The following LFNG variants were observed in gnomAD, a reference collection of about 807,000 sequenced individuals.
LFNG encodes beta-1,3-N-acetylglucosaminyltransferase lunatic fringe.
LFNG carries 15 observed loss-of-function variants against 32.7 expected under a neutral mutation model. That is an observed-to-expected ratio of 0.46 (90% CI 0.31 to 0.71). LFNG has a LOEUF of 0.71. Among genes scored for constraint, LFNG ranks in the 30% least tolerant of loss-of-function variants. The pLI is 0.06. For missense variants in LFNG, 520 were observed against 545.7 expected (o/e 0.95, Z 0.47); for synonymous variants, 274 against 246.8 (o/e 1.11, Z -1.03).
At chr7:2,519,752 C>G, upstream of LFNG, 2 of 592,874 alleles carry the variant, frequency 3.4e-6, no homozygotes, top group Non-Finnish European at 4.3e-6. Context: ...GGTTTAAGAG[C>G]GCGGGACACT....
chr7:2,520,306 C>G lies in LFNG; in HGVS notation c.432+13C>G. ...CCACAAGGAGATGGTGAGCCCCCCG[C>G]GGCCTGGACTGGCGGGCGAGCGGGG... On this transcript the variant is annotated intron_variant, in intron 1 of 7. Transcript: ENST00000222725. This position sits in a 1 kb window ranked among gnomAD's most constrained non-coding sequence, Gnocchi z 5.0. 1 of 1,605,968 alleles carries G rather than the reference C, an allele frequency of 6.2e-7. No homozygotes were observed. Among genetic ancestry groups the G allele is most frequent in the Non-Finnish European group, 8.5e-7 (1 of 1,176,218 alleles).
chr7:2,517,493 C>G (rs1779656484), upstream of LFNG, among the ~76,000 whole-genome samples: 1 of 152,202 alleles, frequency 6.6e-6, no homozygotes, highest in African/African-American at 2.4e-5. Context: ...CCCTTGCTTT[C>G]TCTACAATGG....
Position 2,526,335 on chromosome 7 carries a change from C to G in LFNG, c.913C>G (p.Leu305Val). Residue 305 changes from leucine to valine, a missense_variant, in exon 6 of 8, where the codon CTC becomes GTC. Around this residue, in one of 3 missense-constraint regions of LFNG, gnomAD observed 150 missense variants for 159.9 expected, o/e 0.94. Coordinates refer to ENST00000222725, the MANE Select transcript of LFNG (RefSeq NM_001040167.2). The surrounding 1 kb of genome is among the most constrained non-coding windows in gnomAD (Gnocchi z 6.9). ...CGTGGAGGCCCTGCTGGGTGTGCCC[C>G]TCATCCGCAGCGGCCTCTTCCACTC... ...YIVEALLGVP[L>V]IRSGLFHSHL... The G allele has an allele frequency of 6.2e-7, 1 of 1,612,626 alleles. No homozygotes were observed. Among genetic ancestry groups the G allele is most frequent in the Non-Finnish European group, 8.5e-7 (1 of 1,179,968 alleles).
At chr7:2,525,130 C>T (rs983946302) in intron 2 of LFNG, 89 bp from the exon 3 acceptor site, 16 of 1,172,430 alleles carry the variant, frequency 1.4e-5, no homozygotes, top group East Asian at 1.3e-4. Flanking sequence ...GGGCTTTTCT[C>T]GAGCCCCTGG....
Position 2,520,288 on chromosome 7 carries a change from G to T in LFNG, c.427G>T (p.Glu143Ter). 6.2e-7 allele frequency: 1 copy of T among 1,608,740 alleles called. No individual in the cohort carries two copies. ...GGAGACCTGGATCTCGCGCCACAAG[G>T]AGATGGTGAGCCCCCCGCGGCCTGG... Reference protein sequence around the residue: ...LLETWISRHKEMTFIFTDGED... With the variant: ...LLETWISRHK Residue 143 changes from glutamate (E) to a stop codon, truncating the protein, a stop_gained, in exon 1 of 8, where the codon GAG (glutamate) becomes TAG (stop). Transcript: ENST00000222725. LOFTEE classifies it high-confidence loss of function. The surrounding 1 kb of genome is among the most constrained non-coding windows in gnomAD (Gnocchi z 5.0).
At chr7:2,518,685 C>T (rs563200364), upstream of LFNG, 1 of 1,511,970 alleles carries the variant, frequency 6.6e-7, no homozygotes, top group Admixed American at 2.0e-5. Context: ...AGTTTAGCCA[C>T]GGTGGTGGCG....
At chr7:2,524,186 G>A (rs1779872751) in intron 1 of LFNG, among the ~76,000 whole-genome samples, 1 of 152,324 alleles carries the variant, frequency 6.6e-6, no homozygotes, top group African/African-American at 2.4e-5. Flanking sequence ...GCCCAGCGAA[G>A]GCCTTTGTCC....
rs144458203 is a variant in LFNG, at chr7:2,523,200, G to A, written c.433-1495G>A. On this transcript the variant is annotated intron_variant, in intron 1 of 7. Coordinates refer to ENST00000222725, the MANE Select transcript of LFNG (RefSeq NM_001040167.2). ...GAGCGTCTGCAGGGGCTGGCCCTCC[G>A]CCTCCCACGGCATTCCTGGGCTGAG... 3.4e-3 allele frequency among the ~76,000 whole-genome samples: 516 copies of A among 152,292 alleles called. 1 individual carries two copies. Among genetic ancestry groups the A allele is most frequent in the Non-Finnish European group, 5.7e-3 (391 of 68,010 alleles).
chr7:2,516,753 G>A (rs1166797402), upstream of LFNG, among the ~76,000 whole-genome samples: 1 of 152,228 alleles, frequency 6.6e-6, no homozygotes, highest in Non-Finnish European at 1.5e-5. Context: ...CCTGCAGAGG[G>A]GAAGACTAGG....
upstream of LFNG, among the ~76,000 whole-genome samples, chr7:2,517,040 C>T (rs1365217400): frequency 6.6e-6 from 1 of 150,578 alleles, no homozygotes; most frequent in Non-Finnish European, 1.5e-5. Context: ...CCCCAGCTCC[C>T]CTTTGTCCTG....
At chr7:2,512,570 G>C (rs997446561) in exon 1 of LFNG, 1 of 1,184,204 alleles carries the variant, frequency 8.4e-7, no homozygotes, top group Non-Finnish European at 1.3e-6. Flanking sequence ...AAGGAAGGGA[G>C]GAGGGAGGAC....
upstream of LFNG, chr7:2,513,107 G>A (rs768429589): frequency 3.1e-5 from 49 of 1,598,444 alleles, no homozygotes; most frequent in East Asian, 1.8e-4. Context: ...CTTTGGGCTG[G>A]ACCCATTTTT....
chr7:2,527,091 G>C lies in LFNG; in HGVS notation c.1074-55G>C. 1 of 1,562,916 alleles carries C rather than the reference G, an allele frequency of 6.4e-7. No homozygotes were observed. The highest frequency in any genetic ancestry group is 8.8e-7 in the Non-Finnish European group (1 of 1,136,954). On this transcript the variant is annotated intron_variant, in intron 7 of 7. Transcript: ENST00000222725. The surrounding 1 kb of genome is among the most constrained non-coding windows in gnomAD (Gnocchi z 4.4). Reference sequence around the variant, plus strand: ...GCCAGTGTTGTGGGACTGCAAATGGGAGCTCAGCACCTGCCTGCCACCCAC... The same window carrying C: ...GCCAGTGTTGTGGGACTGCAAATGGCAGCTCAGCACCTGCCTGCCACCCAC...
chr7:2,525,851 C>A, intron 5 of LFNG, 81 bp downstream of exon 5: 1 of 1,225,342 alleles, frequency 8.2e-7, no homozygotes, highest in South Asian at 1.2e-5. Flanking sequence ...ATCTTCCCAG[C>A]CATGGGGTGT....
upstream of LFNG, among the ~76,000 whole-genome samples, chr7:2,516,096 C>G (rs1779620805): frequency 6.6e-6 from 1 of 152,228 alleles, no homozygotes; most frequent in Non-Finnish European, 1.5e-5. Context: ...TGATGCCTGG[C>G]CCCAGCCTGG....
At chr7:2,525,623 G>A in intron 4 of LFNG, 56 bp downstream of exon 4, 1 of 1,611,938 alleles carries the variant, frequency 6.2e-7, no homozygotes, top group East Asian at 2.2e-5. Context: ...CACCCGGAGT[G>A]GGGGTGGGAC....
chr7:2,512,641 C>G, exon 1 of LFNG: 1 of 1,613,592 alleles, frequency 6.2e-7, no homozygotes, highest in Non-Finnish European at 8.5e-7. Context: ...CACAAGGACC[C>G]AAAGCTCAGA....
At chr7:2,523,386 G>T (rs1178988505) in intron 1 of LFNG, among the ~76,000 whole-genome samples, 1 of 152,200 alleles carries the variant, frequency 6.6e-6, no homozygotes, top group Non-Finnish European at 1.5e-5. Flanking sequence ...CCCAGGGCTG[G>T]GTCAGGCTGG....
intron 5 of LFNG, 48 bp downstream of exon 5, chr7:2,525,818 C>T (rs373615137): frequency 3.3e-5 from 49 of 1,505,382 alleles, no homozygotes; most frequent in Non-Finnish European, 4.3e-5. Context: ...GGCTCCTCGC[C>T]ACTGTGGGGC....
Sources: allele counts gnomAD v4.1 joint callset (sites outside exome capture counted in the v4.1 genomes callset), GRCh38; gene constraint gnomAD v4.1.1; regional missense constraint gnomAD v4.1.1; non-coding constraint Gnocchi (gnomAD v3.1); transcripts MANE v1.5; gene names NCBI Gene and HGNC (gene_info 2026-07-23, HGNC 2026-07-21).